RBFOX1: variants seen among roughly 807,000 people sequenced by gnomAD.
RBFOX1 encodes RNA binding protein fox-1 homolog 1.
RBFOX1 carries 8 observed loss-of-function variants against 57.7 expected under a neutral mutation model. The observed-to-expected ratio is 0.14, with a 90% CI of 0.08 to 0.25. The LOEUF is 0.25. Among genes scored for constraint, RBFOX1 ranks in the 10% least tolerant of loss-of-function variants. The probability of loss-of-function intolerance (pLI) is 1.00; values close to 1 mark genes in which losing one functional copy is unlikely to be tolerated. For missense variants in RBFOX1, 611 were observed against 548.5 expected (o/e 1.11, Z -1.14); for synonymous variants, 326 against 222.4 (o/e 1.47, Z -4.15).
intron 4 of RBFOX1, among the ~76,000 whole-genome samples, chr16:7,306,265 G>A: frequency 6.6e-6 from 1 of 152,134 alleles, no homozygotes. Context: ...GTGACTTTGA[G>A]TGAGAGGTTA....
At chr16:5,526,616 G>A (rs1208484532) in intron 2 of RBFOX1, among the ~76,000 whole-genome samples, 1 of 152,144 alleles carries the variant, frequency 6.6e-6, no homozygotes, top group African/African-American at 2.4e-5. Context: ...TGCTCAGAGA[G>A]GCTAGGTAAT....
chr16:7,066,555 GC>G (rs35663806), intron 4 of RBFOX1, among the ~76,000 whole-genome samples: 7,658 of 152,220 alleles, frequency 0.05, 326 homozygotes, highest in East Asian at 0.2. Context: ...AGTTTTAGGT[GC>G]TACCAGTTAA....
chr16:5,597,243 C>T (rs1025454976), intron 2 of RBFOX1, among the ~76,000 whole-genome samples: 2 of 132,326 alleles, frequency 1.5e-5, no homozygotes, highest in African/African-American at 5.8e-5. Context: ...TCCCACCCCC[C>T]TCCCGCTTTC....
chr16:7,326,959 C>A (rs947827342), intron 4 of RBFOX1, among the ~76,000 whole-genome samples: 2 of 152,118 alleles, frequency 1.3e-5, no homozygotes, highest in Admixed American at 1.3e-4. Flanking sequence ...ACATTTTAGT[C>A]ATTGGGTGAG....
intron 2 of RBFOX1, among the ~76,000 whole-genome samples, chr16:6,386,969 A>T (rs2092327159): frequency 6.6e-6 from 1 of 152,190 alleles, no homozygotes; most frequent in Non-Finnish European, 1.5e-5. Flanking sequence ...TGGGGTAGTT[A>T]TTGATTCCGC....
chr16:7,415,672 C>G (rs563116776), intron 4 of RBFOX1, among the ~76,000 whole-genome samples: 40 of 152,292 alleles, frequency 2.6e-4, no homozygotes, highest in African/African-American at 9.4e-4. Context: ...GTGCCACCCT[C>G]TACCAAGAAG....
At chr16:5,844,599 G>A (rs935738031) in intron 3 of RBFOX1, among the ~76,000 whole-genome samples, 1 of 152,178 alleles carries the variant, frequency 6.6e-6, no homozygotes, top group Admixed American at 6.5e-5. Context: ...AGGGAAAAAG[G>A]AAGGGGGAAA....
At chr16:7,173,300 A>T (rs1344434333) in intron 4 of RBFOX1, among the ~76,000 whole-genome samples, 2 of 152,154 alleles carry the variant, frequency 1.3e-5, no homozygotes, top group Non-Finnish European at 2.9e-5. Context: ...AGAAACCATA[A>T]TTTGAAGAAA....
chr16:6,343,475 C>G (rs2084881108), intron 2 of RBFOX1, among the ~76,000 whole-genome samples: 1 of 152,190 alleles, frequency 6.6e-6, no homozygotes, highest in African/African-American at 2.4e-5. Context: ...CGATAATTAT[C>G]TGGATAACTC....
chr16:5,746,935 T>C (rs1472493342), intron 3 of RBFOX1, among the ~76,000 whole-genome samples: 3 of 152,222 alleles, frequency 2.0e-5, no homozygotes, highest in East Asian at 1.9e-4. Flanking sequence ...CTTTATTTCC[T>C]TCTCCTGCCT....
chr16:5,856,877 A>G (rs2057085727), intron 3 of RBFOX1, among the ~76,000 whole-genome samples: 1 of 151,964 alleles, frequency 6.6e-6, no homozygotes, highest in Admixed American at 6.6e-5. Context: ...CCATATCATC[A>G]GCAAGGCTGT....
At chr16:5,327,565 A>C (rs1289762841) in intron 1 of RBFOX1, among the ~76,000 whole-genome samples, 1 of 152,130 alleles carries the variant, frequency 6.6e-6, no homozygotes, top group Non-Finnish European at 1.5e-5. Flanking sequence ...TAGCCCTCAG[A>C]GAGAAACGCC....
chr16:7,535,233 G>T (rs1187247289), intron 5 of RBFOX1, among the ~76,000 whole-genome samples: 1 of 152,098 alleles, frequency 6.6e-6, no homozygotes, highest in East Asian at 1.9e-4. Flanking sequence ...TTATGAAATT[G>T]CATTTCCCAT....
intron 1 of RBFOX1, among the ~76,000 whole-genome samples, chr16:6,221,929 A>G (rs899058710): frequency 2.6e-5 from 4 of 152,200 alleles, no homozygotes; most frequent in Non-Finnish European, 5.9e-5. Context: ...GCCAAACCGT[A>G]TCAACCAATA....
chr16:6,299,634 T>G (rs1370774136), intron 1 of RBFOX1, among the ~76,000 whole-genome samples: 1 of 152,128 alleles, frequency 6.6e-6, no homozygotes, highest in Admixed American at 6.5e-5. Context: ...TAAAATATGG[T>G]CAGAACAAGT....
At chr16:7,057,057 C>T (rs956511578) in intron 4 of RBFOX1, among the ~76,000 whole-genome samples, 1 of 150,628 alleles carries the variant, frequency 6.6e-6, no homozygotes, top group Non-Finnish European at 1.5e-5. Flanking sequence ...AGGCCTGATA[C>T]TCAACAAGGT....
chr16:7,179,721 C>T (rs537403940), intron 4 of RBFOX1, among the ~76,000 whole-genome samples: 13 of 151,498 alleles, frequency 8.6e-5, no homozygotes, highest in Admixed American at 2.6e-4. Flanking sequence ...AAGAAATTCA[C>T]CATCTTCCCA....
chr16:6,091,226 C>A (rs1387411794), intron 1 of RBFOX1, among the ~76,000 whole-genome samples: 2 of 152,170 alleles, frequency 1.3e-5, no homozygotes, highest in Non-Finnish European at 2.9e-5. Context: ...CACACCCTTC[C>A]CAGCCTTAGT....
intron 4 of RBFOX1, among the ~76,000 whole-genome samples, chr16:5,886,941 C>T (rs1597642866): frequency 6.6e-6 from 1 of 152,226 alleles, no homozygotes; most frequent in Non-Finnish European, 1.5e-5. Context: ...CCAGTCATTC[C>T]CTTAGACCAG....
Sources: gnomAD v4.1 joint callset for allele counts (sites outside exome capture counted in the v4.1 genomes callset) on GRCh38, gnomAD v4.1.1 for gene constraint, MANE v1.5 for transcripts, NCBI Gene and HGNC (gene_info 2026-07-23, HGNC 2026-07-21) for gene names.